The following SLC36A1 variants were observed in gnomAD, a reference collection of about 807,000 sequenced individuals.
SLC36A1 encodes solute carrier family 36 member 1.
Under a neutral mutation model 47.5 loss-of-function variants are expected in SLC36A1, and 30 were observed. The observed-to-expected ratio is 0.63, with a 90% CI of 0.47 to 0.86. SLC36A1 has a LOEUF of 0.86. Ranked by LOEUF, SLC36A1 falls within the 40% of genes least tolerant of loss-of-function variation. The pLI is 0.00. For missense variants in SLC36A1, 517 were observed against 606.0 expected (o/e 0.85, Z 1.54); for synonymous variants, 255 against 249.7 (o/e 1.02, Z -0.20).
chr5:151,381,505 C>T, the SLC36A1 span, among the ~76,000 whole-genome samples: 1 of 152,262 alleles, frequency 6.6e-6, no homozygotes, highest in South Asian at 2.1e-4. Flanking sequence ...CAAAGCAGAC[C>T]TCCTTCTTAT....
the SLC36A1 span, among the ~76,000 whole-genome samples, chr5:151,535,146 C>CTT: frequency 1.3e-5 from 2 of 151,846 alleles, no homozygotes; most frequent in Admixed American, 6.6e-5. Context: ...TTTAGCCACA[C>CTT]AGTAAAACAC....
At chr5:151,373,086 G>T in the SLC36A1 span, among the ~76,000 whole-genome samples, 5,118 of 151,922 alleles carry the variant, frequency 0.034, 134 homozygotes, top group African/African-American at 0.075. Flanking sequence ...AAGAAAAAAA[G>T]AAATAATGGC....
the SLC36A1 span, among the ~76,000 whole-genome samples, chr5:151,359,396 A>AT: frequency 6.6e-6 from 1 of 152,308 alleles, no homozygotes; most frequent in African/African-American, 2.4e-5. Flanking sequence ...GAGGAGGCAT[A>AT]TTTTTTCTTC....
chr5:151,459,485 C>T (rs931117386), intron 2 of SLC36A1, among the ~76,000 whole-genome samples: 8 of 152,210 alleles, frequency 5.3e-5, no homozygotes, highest in Non-Finnish European at 7.3e-5. Context: ...GAGTTTGGCC[C>T]GCTTCAGGTC....
At chr5:151,387,352 A>G in the SLC36A1 span, 1 of 152,402 alleles carries the variant, frequency 6.6e-6, no homozygotes, top group Non-Finnish European at 1.5e-5. Flanking sequence ...AATTGGGAAT[A>G]GTTAAAATTG....
At chr5:151,361,843 A>C in the SLC36A1 span, among the ~76,000 whole-genome samples, 1 of 152,216 alleles carries the variant, frequency 6.6e-6, no homozygotes, top group Admixed American at 6.5e-5. Flanking sequence ...TGCTGGAAGT[A>C]GTATTCTTGG....
the SLC36A1 span, chr5:151,553,038 G>C: frequency 1.3e-6 from 1 of 744,604 alleles, no homozygotes; most frequent in Non-Finnish European, 2.2e-6. Flanking sequence ...GGAAGAGGCA[G>C]TCCCCACTCC....
At chr5:151,534,970 A>AAAATATATATAT in the SLC36A1 span, among the ~76,000 whole-genome samples, 3 of 106,418 alleles carry the variant, frequency 2.8e-5, no homozygotes, top group East Asian at 6.5e-4. Context: ...CTTCTAGGAA[A>AAAATATATATAT]ATATATATAT....
chr5:151,548,091 C>A, the SLC36A1 span, among the ~76,000 whole-genome samples: 1 of 152,110 alleles, frequency 6.6e-6, no homozygotes, highest in Non-Finnish European at 1.5e-5. Flanking sequence ...AATCCATATT[C>A]TTCTTCAGCG....
At chr5:151,512,994 TC>T in the SLC36A1 span, among the ~76,000 whole-genome samples, 1 of 152,242 alleles carries the variant, frequency 6.6e-6, no homozygotes, top group East Asian at 1.9e-4. The surrounding 1 kb of genome is among the most constrained non-coding windows in gnomAD (Gnocchi z 4.1). Flanking sequence ...ACTTCCTTAT[TC>T]AACAGCTTAG....
At chr5:151,401,015 C>G in the SLC36A1 span, among the ~76,000 whole-genome samples, 1 of 151,522 alleles carries the variant, frequency 6.6e-6, no homozygotes, top group African/African-American at 2.4e-5. Flanking sequence ...TGTGCAGAAG[C>G]TCTTTAATTA....
the SLC36A1 span, chr5:151,382,298 C>T: frequency 8.4e-7 from 1 of 1,192,144 alleles, no homozygotes; most frequent in Non-Finnish European, 1.2e-6. Context: ...GTGCCCTCAA[C>T]CTGCACAGTC....
At chr5:151,492,937 G>A (rs1361229543), downstream of SLC36A1, among the ~76,000 whole-genome samples, 1 of 152,114 alleles carries the variant, frequency 6.6e-6, no homozygotes, top group African/African-American at 2.4e-5. Context: ...CAGACTTGCC[G>A]ACTCATACGG....
intron 7 of SLC36A1, chr5:151,469,383 A>G: frequency 1.7e-6 from 1 of 605,402 alleles, no homozygotes; most frequent in Non-Finnish European, 3.0e-6. Context: ...AAAATGCCTT[A>G]GTGAGCCTTC....
the SLC36A1 span, among the ~76,000 whole-genome samples, chr5:151,547,399 T>C: frequency 6.6e-6 from 1 of 152,236 alleles, no homozygotes; most frequent in Non-Finnish European, 1.5e-5. Context: ...AATAATCTTT[T>C]AATGCCATTA....
At chr5:151,513,763 A>C in the SLC36A1 span, among the ~76,000 whole-genome samples, 7 of 152,186 alleles carry the variant, frequency 4.6e-5, no homozygotes, top group African/African-American at 1.7e-4. Flanking sequence ...GGAAGAAAAA[A>C]ATTATTTAAT....
At chr5:151,529,457 G>T in the SLC36A1 span, 1 of 1,426,258 alleles carries the variant, frequency 7.0e-7, no homozygotes. Flanking sequence ...AGGACTGAGG[G>T]TCTGAGCCCA....
the SLC36A1 span, chr5:151,366,602 C>T: frequency 1.5e-4 from 28 of 184,526 alleles, no homozygotes; most frequent in Admixed American, 5.0e-4. Flanking sequence ...CTGCTGCTCA[C>T]CAAGCTCATC....
the SLC36A1 span, among the ~76,000 whole-genome samples, chr5:151,549,831 A>T: frequency 1.3e-5 from 2 of 152,194 alleles, no homozygotes; most frequent in African/African-American, 4.8e-5. Context: ...GCAGGAAAAA[A>T]AAATTATATG....
Sources: allele counts gnomAD v4.1 joint callset (sites outside exome capture counted in the v4.1 genomes callset), GRCh38; gene constraint gnomAD v4.1.1; non-coding constraint Gnocchi (gnomAD v3.1); transcripts MANE v1.5; gene names NCBI Gene and HGNC (gene_info 2026-07-23, HGNC 2026-07-21).